ADCY8: variants seen among roughly 807,000 people sequenced by gnomAD.
ADCY8 encodes adenylate cyclase type 8.
In ADCY8, 51 loss-of-function variants were observed where a neutral mutation model predicts 119.7. The observed-to-expected ratio is 0.43, with a 90% confidence interval of 0.34 to 0.54. ADCY8 has a LOEUF of 0.54. ADCY8 is among the 20% of genes least tolerant of loss of function. The pLI is 0.03. For synonymous variants in ADCY8, 665 were observed against 651.0 expected (o/e 1.02, Z -0.33); for missense variants, 1,383 against 1,598.8 (o/e 0.87, Z 2.30).
At chr8:130,782,940 T>C (rs1371040021) in intron 17 of ADCY8, among the ~76,000 whole-genome samples, 1 of 152,198 alleles carries the variant, frequency 6.6e-6, no homozygotes, top group Non-Finnish European at 1.5e-5. Context: ...CAGAATGTCA[T>C]TGTCTCAGAG....
chr8:130,853,855 T>G (rs1476487446), intron 9 of ADCY8, among the ~76,000 whole-genome samples: 1 of 152,214 alleles, frequency 6.6e-6, no homozygotes, highest in African/African-American at 2.4e-5. Context: ...ATGGGCAAGG[T>G]AATTGATTCC....
chr8:130,882,766 C>T (rs1489682006), intron 8 of ADCY8, among the ~76,000 whole-genome samples: 2 of 152,012 alleles, frequency 1.3e-5, no homozygotes, highest in Non-Finnish European at 2.9e-5. Flanking sequence ...TGGTAAATAC[C>T]CAATGAATGT....
rs1335229218 is a variant in ADCY8, at chr8:131,003,888, AGAAGAG to A, written c.961-13352_961-13347del. On this transcript the variant is annotated intron_variant, in intron 1 of 17. Coordinates refer to ENST00000286355, the MANE Select transcript of ADCY8 (RefSeq NM_001115.3). ...GAGAAGAAGGAGGAGGTGGAGGAGGAGAAGAGGAAGAGGAGGGGGAGGGAAATTAAC... is the reference window on the plus strand; with the variant it reads ...GAGAAGAAGGAGGAGGTGGAGGAGGAGAAGAGGAGGGGGAGGGAAATTAAC... 5.3e-5 allele frequency among the ~76,000 whole-genome samples: 8 copies of A among 152,140 alleles called. No individual in the cohort carries two copies. The East Asian group carries it at 1.5e-3, about 29-fold the overall frequency.
intron 2 of ADCY8, among the ~76,000 whole-genome samples, chr8:130,963,114 T>C (rs1405922121): frequency 7.7e-6 from 1 of 129,388 alleles, no homozygotes; most frequent in Admixed American, 7.4e-5. Context: ...TTTTTCTTTC[T>C]TTTTTTTTTT....
chr8:130,943,095 A>G (rs1256855727), intron 4 of ADCY8, among the ~76,000 whole-genome samples: 1 of 152,186 alleles, frequency 6.6e-6, no homozygotes, highest in African/African-American at 2.4e-5. Flanking sequence ...GAAAGCAGAT[A>G]AAAAGGACTG....
At chr8:130,783,171 G>C (rs1447917231) in intron 17 of ADCY8, among the ~76,000 whole-genome samples, 1 of 152,204 alleles carries the variant, frequency 6.6e-6, no homozygotes, top group African/African-American at 2.4e-5. Context: ...TTACGTTGTT[G>C]CTTTGTGCGG....
At chr8:130,871,664 G>C (rs946772366) in intron 8 of ADCY8, among the ~76,000 whole-genome samples, 3 of 152,010 alleles carry the variant, frequency 2.0e-5, no homozygotes, top group Non-Finnish European at 4.4e-5. Context: ...CTATTCCTCT[G>C]TACAGTATTG....
At chr8:130,874,504 TG>T (rs143512188) in intron 8 of ADCY8, among the ~76,000 whole-genome samples, 8,186 of 152,034 alleles carry the variant, frequency 0.054, 686 homozygotes, top group African/African-American at 0.18. Flanking sequence ...GACAGGTGAG[TG>T]TGCAGAATGT....
At chr8:130,926,923 G>A (rs1423675269) in intron 5 of ADCY8, among the ~76,000 whole-genome samples, 1 of 142,268 alleles carries the variant, frequency 7.0e-6, no homozygotes, top group Non-Finnish European at 1.5e-5. Context: ...TCTTTATGGT[G>A]TAATAGTATT....
chr8:130,793,486 A>G (rs1400275738), intron 15 of ADCY8, among the ~76,000 whole-genome samples: 1 of 152,170 alleles, frequency 6.6e-6, no homozygotes, highest in African/African-American at 2.4e-5. Flanking sequence ...TTTACTTGTT[A>G]TTCTTTTTGA....
intron 14 of ADCY8, among the ~76,000 whole-genome samples, chr8:130,804,443 C>T (rs1488126521): frequency 6.6e-6 from 1 of 152,176 alleles, no homozygotes; most frequent in African/African-American, 2.4e-5. Context: ...TTTAAAGATG[C>T]TGTCTCTAAA....
intron 1 of ADCY8, among the ~76,000 whole-genome samples, chr8:131,000,211 G>A (rs1299362551): frequency 6.6e-6 from 1 of 152,102 alleles, no homozygotes; most frequent in Non-Finnish European, 1.5e-5. Context: ...CAGGAGGGTG[G>A]GGTCTAAGCA....
At chr8:130,990,088 C>T (rs3750889) in intron 2 of ADCY8, among the ~76,000 whole-genome samples, 105,602 of 152,142 alleles carry the variant, frequency 0.69, 38,227 homozygotes, top group African/African-American at 0.91. Flanking sequence ...ATAGGCATGC[C>T]GATGATTTTG....
chr8:130,934,536 G>C (rs1035498298), intron 5 of ADCY8, among the ~76,000 whole-genome samples: 3 of 152,152 alleles, frequency 2.0e-5, no homozygotes, highest in Non-Finnish European at 2.9e-5. Context: ...TGAGATTTGG[G>C]TGGGAACACA....
chr8:130,960,732 G>C (rs1821576285), intron 2 of ADCY8, among the ~76,000 whole-genome samples: 2 of 152,018 alleles, frequency 1.3e-5, no homozygotes, highest in South Asian at 4.1e-4. Context: ...AATTCAAGCA[G>C]GGGAAAGGGG....
chr8:130,822,775 C>A (rs183722364), intron 12 of ADCY8, among the ~76,000 whole-genome samples: 1 of 152,320 alleles, frequency 6.6e-6, no homozygotes, highest in East Asian at 1.9e-4. Flanking sequence ...GTCAGCTTTT[C>A]TACTGACCAG....
intron 1 of ADCY8, among the ~76,000 whole-genome samples, chr8:131,010,516 G>T (rs1461802714): frequency 6.6e-6 from 1 of 151,906 alleles, no homozygotes; most frequent in Non-Finnish European, 1.5e-5. Flanking sequence ...GGGAGAGAAA[G>T]AGAAAGAGAG....
chr8:130,946,694 C>G (rs1821115992), intron 3 of ADCY8, among the ~76,000 whole-genome samples: 1 of 152,220 alleles, frequency 6.6e-6, no homozygotes, highest in African/African-American at 2.4e-5. Flanking sequence ...GCCCAGCACA[C>G]AGTTGGCCCT....
At chr8:130,866,917 TC>T (rs1456605651) in intron 9 of ADCY8, among the ~76,000 whole-genome samples, 3 of 152,202 alleles carry the variant, frequency 2.0e-5, no homozygotes, top group Non-Finnish European at 2.9e-5. Context: ...ATTGTTAATG[TC>T]TTTGTCACCT....
Sources: gnomAD v4.1 joint callset for allele counts (sites outside exome capture counted in the v4.1 genomes callset) on GRCh38, gnomAD v4.1.1 for gene constraint, MANE v1.5 for transcripts, NCBI Gene and HGNC (gene_info 2026-07-23, HGNC 2026-07-21) for gene names.